Variants in SLC24A3 observed in about 807,000 individuals in gnomAD.
SLC24A3 encodes the protein solute carrier family 24 member 3, also known as sodium/potassium/calcium exchanger 3.
Under a neutral mutation model 75.8 loss-of-function variants are expected in SLC24A3, and 28 were observed. That is an observed-to-expected ratio of 0.37 (90% CI 0.27 to 0.51). SLC24A3 has a LOEUF of 0.51. SLC24A3 is among the 20% of genes least tolerant of loss of function. The pLI, the probability that SLC24A3 is intolerant of heterozygous loss-of-function variation, is 0.94. For synonymous variants in SLC24A3, 372 were observed against 334.1 expected (o/e 1.11, Z -1.24); for missense variants, 663 against 847.8 (o/e 0.78, Z 2.71).
At chr20:19,216,056 A>G (rs1186390081) in intron 1 of SLC24A3, among the ~76,000 whole-genome samples, 1 of 152,166 alleles carries the variant, frequency 6.6e-6, no homozygotes, top group Non-Finnish European at 1.5e-5. Flanking sequence ...TAATCTGCAG[A>G]CACTCTTTTC....
chr20:19,228,899 A>G (rs1325213071), intron 1 of SLC24A3, among the ~76,000 whole-genome samples: 1 of 152,216 alleles, frequency 6.6e-6, no homozygotes, highest in African/African-American at 2.4e-5. Flanking sequence ...TTTTGGTGTC[A>G]GGATCACACT....
At chr20:19,221,228 A>G (rs1981701767) in intron 1 of SLC24A3, among the ~76,000 whole-genome samples, 1 of 152,054 alleles carries the variant, frequency 6.6e-6, no homozygotes, top group African/African-American at 2.4e-5. Context: ...TGGCTCTTCC[A>G]TCTCCTCTCA....
intron 6 of SLC24A3, among the ~76,000 whole-genome samples, chr20:19,650,778 G>A (rs2032193520): frequency 6.6e-6 from 1 of 152,088 alleles, no homozygotes; most frequent in Non-Finnish European, 1.5e-5. Flanking sequence ...ATCTTCTTTG[G>A]AGCACAGTTC....
chr20:19,360,406 A>G (rs1214089694), intron 2 of SLC24A3, among the ~76,000 whole-genome samples: 1 of 152,250 alleles, frequency 6.6e-6, no homozygotes, highest in East Asian at 1.9e-4. Flanking sequence ...GAATGTCCCT[A>G]CATCTTAACA....
At chr20:19,490,865 A>G (rs2122530089) in intron 2 of SLC24A3, among the ~76,000 whole-genome samples, 2 of 152,288 alleles carry the variant, frequency 1.3e-5, no homozygotes, top group Middle Eastern at 6.8e-3. Context: ...CCTTGCATGG[A>G]ATGAATGGCT....
At chr20:19,542,188 T>C (rs1018518369) in intron 3 of SLC24A3, among the ~76,000 whole-genome samples, 1 of 152,158 alleles carries the variant, frequency 6.6e-6, no homozygotes, top group African/African-American at 2.4e-5. Context: ...AGGTGAAAAT[T>C]GCAGTTCAAT....
At chr20:19,447,840 G>A (rs1212221578) in intron 2 of SLC24A3, among the ~76,000 whole-genome samples, 1 of 152,152 alleles carries the variant, frequency 6.6e-6, no homozygotes, top group African/African-American at 2.4e-5. Flanking sequence ...TAATTTCTGG[G>A]GTAGACTTAA....
intron 2 of SLC24A3, among the ~76,000 whole-genome samples, chr20:19,328,301 T>G (rs1223805510): frequency 6.6e-6 from 1 of 152,100 alleles, no homozygotes; most frequent in Non-Finnish European, 1.5e-5. Context: ...GGAGGTCTTC[T>G]GCATTCACTG....
intron 15 of SLC24A3, among the ~76,000 whole-genome samples, chr20:19,708,181 G>A (rs537038688): frequency 2.6e-4 from 40 of 152,154 alleles, no homozygotes; most frequent in African/African-American, 7.7e-4. Context: ...TAAGGCCAGC[G>A]CTTTCAACCA....
chr20:19,631,120 G>A (rs1224937642), intron 6 of SLC24A3, among the ~76,000 whole-genome samples: 1 of 152,162 alleles, frequency 6.6e-6, no homozygotes, highest in Admixed American at 6.5e-5. Context: ...GAGGTGGACA[G>A]ATCACTTGAG....
chr20:19,569,891 G>A (rs2031025051), intron 3 of SLC24A3, among the ~76,000 whole-genome samples: 1 of 152,182 alleles, frequency 6.6e-6, no homozygotes, highest in African/African-American at 2.4e-5. Context: ...CTGCAAATAA[G>A]TCCTTCATTA....
intron 1 of SLC24A3, among the ~76,000 whole-genome samples, chr20:19,272,864 C>G (rs895423214): frequency 6.6e-6 from 1 of 152,138 alleles, no homozygotes; most frequent in Admixed American, 6.5e-5. Context: ...CTGAACTTCC[C>G]TGGAGCTTAC....
chr20:19,654,115 G>T lies in SLC24A3; in HGVS notation c.666G>T (p.Leu222=). Reference sequence around the variant, plus strand: ...TGAGGGATTCTATTTACTACACGCTGTCTGTGATCGCGCTCATCGTGGTGA... The same window carrying T: ...TGAGGGATTCTATTTACTACACGCTTTCTGTGATCGCGCTCATCGTGGTGA... The part of the protein sequence containing the change: ...CLLRDSIYYT[L]SVIALIVFIY... Residue 222 remains leucine, a synonymous_variant, in exon 7 of 17, where the codon CTG becomes CTT. Transcript: ENST00000328041. 6 of 1,613,760 alleles carry T rather than the reference G, an allele frequency of 3.7e-6. No homozygotes were observed. The highest frequency in any genetic ancestry group is 5.1e-6 in the Non-Finnish European group (6 of 1,179,766).
At chr20:19,425,454 G>A (rs1230692560) in intron 2 of SLC24A3, among the ~76,000 whole-genome samples, 13 of 152,142 alleles carry the variant, frequency 8.5e-5, no homozygotes, top group African/African-American at 3.1e-4. Context: ...ATGTCCCTCA[G>A]TGTGAGGTTT....
chr20:19,635,480 T>G (rs535847552), intron 6 of SLC24A3, among the ~76,000 whole-genome samples: 1 of 152,336 alleles, frequency 6.6e-6, no homozygotes, highest in Admixed American at 6.5e-5. Flanking sequence ...TATCTATTGC[T>G]GTGTAACTAG....
At chr20:19,444,826 A>G (rs1987353459) in intron 2 of SLC24A3, among the ~76,000 whole-genome samples, 1 of 150,030 alleles carries the variant, frequency 6.7e-6, no homozygotes, top group Non-Finnish European at 1.5e-5. Context: ...TTCTGCTCTA[A>G]TTTTTATTTT....
intron 1 of SLC24A3, among the ~76,000 whole-genome samples, chr20:19,271,416 G>T (rs1983326760): frequency 6.6e-6 from 1 of 152,122 alleles, no homozygotes; most frequent in South Asian, 2.1e-4. Context: ...AACCACTGTG[G>T]AAAACAGTGT....
intron 2 of SLC24A3, among the ~76,000 whole-genome samples, chr20:19,437,552 C>A (rs1304698244): frequency 1.3e-5 from 2 of 152,318 alleles, no homozygotes; most frequent in South Asian, 4.1e-4. Flanking sequence ...GAAGACAGAG[C>A]AAGAAGTGCT....
chr20:19,607,830 C>T (rs1156745318), intron 6 of SLC24A3, among the ~76,000 whole-genome samples: 1 of 152,262 alleles, frequency 6.6e-6, no homozygotes, highest in Non-Finnish European at 1.5e-5. Context: ...TGAGCCTCCA[C>T]TCTGACGTTG....
Sources: allele counts gnomAD v4.1 joint callset (sites outside exome capture counted in the v4.1 genomes callset), GRCh38; gene constraint gnomAD v4.1.1; transcripts MANE v1.5; gene names NCBI Gene and HGNC (gene_info 2026-07-23, HGNC 2026-07-21).